LEMD2: variants seen among roughly 807,000 people sequenced by gnomAD.
LEMD2 encodes LEM domain-containing protein 2.
A neutral mutation model predicts 58.8 loss-of-function variants in LEMD2; 34 were observed. That is an observed-to-expected ratio of 0.58 (90% CI 0.44 to 0.77). LEMD2 has a LOEUF of 0.77. LEMD2 is among the 30% of genes least tolerant of loss of function. LEMD2 has a pLI of 0.00. For synonymous variants in LEMD2, 298 were observed against 308.9 expected (o/e 0.96, Z 0.37); for missense variants, 629 against 717.9 (o/e 0.88, Z 1.42).
chr6:33,784,574 G>A (rs917889704), intron 2 of LEMD2, 147 bp from the exon 3 acceptor site: 14 of 622,884 alleles, frequency 2.2e-5, no homozygotes, highest in Non-Finnish European at 3.7e-5. Flanking sequence ...ATTCTGCCAA[G>A]TGCTGGGCCT....
At chr6:33,772,882 TTATG>T in intron 8 of LEMD2, 104 bp from the exon 9 acceptor site, 2 of 1,092,962 alleles carry the variant, frequency 1.8e-6, no homozygotes, top group Non-Finnish European at 2.6e-6. Flanking sequence ...GGCATGGAAT[TTATG>T]TAAGAGAGGA....
chr6:33,773,697 C>T lies in LEMD2; in HGVS notation c.1362-919G>A, dbSNP rs547185747. On this transcript the variant is annotated intron_variant, in intron 8 of 8. Coordinates refer to ENST00000293760, the MANE Select transcript of LEMD2 (RefSeq NM_181336.4). ...CTTGGCTGGTCTGGCCGAGGCCACA[C>T]ATTCCCTGGGGACTGAGCTCCAAGG... Among the ~76,000 whole-genome samples, 51 of 152,308 alleles carry T rather than the reference C, an allele frequency of 3.3e-4. 1 individual carries two copies. The highest frequency in any genetic ancestry group is 1.2e-3 in the African/African-American group (48 of 41,558).
In LEMD2 at chr6:33,772,602, A is replaced by C. The variant is rs781084755; in HGVS notation, c.*26T>G. ...GAGTGGGCTGTCCTGGGACAGGCTG[A>C]CCGGGAACAAGTCCCCGCCCGGGGC... On this transcript the variant is annotated 3_prime_UTR_variant, in exon 9 of 9. Transcript: ENST00000293760. The C allele has an allele frequency of 3.1e-6, 5 of 1,604,874 alleles. No homozygotes were observed. In the African/African-American group the frequency reaches 5.3e-5, roughly 17 times the overall value.
At chr6:33,773,605 C>A (rs1582250033) in intron 8 of LEMD2, among the ~76,000 whole-genome samples, 1 of 124,598 alleles carries the variant, frequency 8.0e-6, no homozygotes. Flanking sequence ...GGGGGGGGGG[C>A]TAGGGCTTCC....
At chr6:33,775,095 G>T (rs1485621752) in intron 8 of LEMD2, among the ~76,000 whole-genome samples, 1 of 152,184 alleles carries the variant, frequency 6.6e-6, no homozygotes, top group East Asian at 1.9e-4. Context: ...TCATTGTCAC[G>T]ATACTCCTGC....
chr6:33,778,608 A>AC lies in LEMD2; in HGVS notation c.1011-222dup. ...AAGACGGCAGCAGGCTTGAACCCCT[A>AC]CCGCTAAAGCAACGTCCCCCTGTCA... On this transcript the variant is annotated intron_variant, in intron 5 of 8. Transcript: ENST00000293760. This position sits in a 1 kb window ranked among gnomAD's most constrained non-coding sequence, Gnocchi z 4.7. 2 of 383,548 alleles carry AC rather than the reference A, an allele frequency of 5.2e-6. No homozygotes were observed. The highest frequency in any genetic ancestry group is 4.4e-5 in the Admixed American group (1 of 22,514). The allele number at this position is 383,548 out of a possible 1,614,324, so 23.8% of individuals were successfully genotyped here.
rs1264972360 is a variant in LEMD2, at chr6:33,771,747, G to C, written c.*881C>G. The C allele has an allele frequency of 6.6e-6, 1 of 152,250 alleles. No individual in the cohort carries two copies. The highest frequency in any genetic ancestry group is 1.5e-5 in the Non-Finnish European group (1 of 68,046). 9.4% of individuals were successfully genotyped at this position (152,250 alleles called of 1,614,324 possible). ...CGCGGCCGGGGTAACAGAAACGCCG[G>C]CTGCGCTGAAGTTCTTGTTAAACAG... is the stretch of plus-strand genomic sequence containing the variant. On this transcript the variant is annotated 3_prime_UTR_variant, in exon 9 of 9. Coordinates refer to ENST00000293760, the MANE Select transcript of LEMD2 (RefSeq NM_181336.4).
intron 3 of LEMD2, among the ~76,000 whole-genome samples, chr6:33,783,588 T>C (rs1767611073): frequency 6.6e-6 from 1 of 152,250 alleles, no homozygotes; most frequent in African/African-American, 2.4e-5. Context: ...CAACTGCAAG[T>C]GATTTTGAGA....
chr6:33,779,024 G>A (rs1005128802), intron 5 of LEMD2: 8 of 152,150 alleles, frequency 5.3e-5, no homozygotes, highest in Admixed American at 3.9e-4. Flanking sequence ...TCATGCTCTT[G>A]AGGCTGCATG....
intron 3 of LEMD2, chr6:33,781,505 A>G (rs1263060192): frequency 1.4e-5 from 3 of 219,134 alleles, no homozygotes; most frequent in East Asian, 1.2e-4. Flanking sequence ...GAGAAAAAAG[A>G]AAGGCAGGGA....
Position 33,788,551 on chromosome 6 carries a change from C to A in LEMD2, c.566G>T (p.Arg189Leu). Residue 189 changes from arginine (R) to leucine (L), a missense_variant, in exon 1 of 9, where the codon CGA (arginine) becomes CTA (leucine). Physicochemically the swap from Arg to Leu is moderately radical, Grantham distance 102. This residue lies in a region of LEMD2 where 386 missense variants were observed against 381.1 expected (regional missense o/e 1.01). Coordinates refer to ENST00000293760, the MANE Select transcript of LEMD2 (RefSeq NM_181336.4). The stretch of plus-strand genomic sequence containing the variant: ...CCTCGCCGCGCCAGCAGGGCCCGCT[C>A]GAGTCGCCCGCAGGCCCGGGCGCGG... ...PDPRPGLRATRAGPAGAARAR... is the reference protein window; with the variant it reads ...PDPRPGLRATLAGPAGAARAR... The A allele has an allele frequency of 6.9e-7, 1 of 1,441,378 alleles. No individual in the cohort carries two copies. The highest frequency in any genetic ancestry group is 1.4e-5 in the South Asian group (1 of 71,564). The allele number at this position is 1,441,378 out of a possible 1,614,324, so 89.3% of individuals were successfully genotyped here.
At chr6:33,783,782 G>C (rs1009847152) in intron 3 of LEMD2, among the ~76,000 whole-genome samples, 1 of 152,186 alleles carries the variant, frequency 6.6e-6, no homozygotes, top group African/African-American at 2.4e-5. Flanking sequence ...CATTTGTAGA[G>C]AACAGACAGA....
At chr6:33,781,623 G>A (rs1472171525) in intron 3 of LEMD2, 1 of 163,854 alleles carries the variant, frequency 6.1e-6, no homozygotes, top group Admixed American at 6.1e-5. Flanking sequence ...TCTGTGTGCT[G>A]GGCAGTGGGG....
At position 33,781,094 on chromosome 6, in the gene LEMD2, C is replaced by T. The variant is rs768965953; in HGVS notation, c.913G>A (p.Ala305Thr). The change falls in exon 4 of 9, where the codon GCC (alanine) becomes ACC (threonine). Residue 305 changes from alanine (A) to threonine (T), a missense_variant. By Grantham distance (58) the Ala-to-Thr change is moderately conservative. Transcript: ENST00000293760. ...LKSKCIPVME[A>T]QEYIANVTSS... ...CTACTTACGGCTATATATTCTTGGGCTTCCATAACAGGAATGCATTTGCTT... is the reference window on the plus strand; with the variant it reads ...CTACTTACGGCTATATATTCTTGGGTTTCCATAACAGGAATGCATTTGCTT... 8 of 1,612,644 alleles carry T rather than the reference C, an allele frequency of 5.0e-6. No individual in the cohort carries two copies. The highest frequency in any genetic ancestry group is 5.9e-6 in the Non-Finnish European group (7 of 1,178,756).
intron 2 of LEMD2, 31 bp downstream of exon 2, chr6:33,786,703 A>G (rs1317480268): frequency 6.4e-7 from 1 of 1,568,432 alleles, no homozygotes. Flanking sequence ...CCTCAGGAAG[A>G]ATAATAAAAA....
intron 4 of LEMD2, among the ~76,000 whole-genome samples, chr6:33,780,492 C>T (rs766240357): frequency 1.8e-4 from 28 of 152,182 alleles, no homozygotes; most frequent in Admixed American, 5.2e-4. Context: ...TAGGGTAAAG[C>T]GAATAACAGC....
chr6:33,773,594 C>CAG (rs1554148352), intron 8 of LEMD2, among the ~76,000 whole-genome samples: 1 of 139,418 alleles, frequency 7.2e-6, no homozygotes, highest in Admixed American at 7.1e-5. Flanking sequence ...AGTCAGGAGG[C>CAG]GGGGGGGGGG....
chr6:33,780,226 A>C, intron 4 of LEMD2, 47 bp from the exon 5 acceptor site: 1 of 1,475,108 alleles, frequency 6.8e-7, no homozygotes, highest in South Asian at 1.2e-5. Flanking sequence ...TGGGCGGAGC[A>C]GCTGGAACAT....
At position 33,784,804 on chromosome 6, in the gene LEMD2, G is replaced by A. The variant is rs77043972; in HGVS notation, c.778-377C>T. On this transcript the variant is annotated intron_variant, in intron 2 of 8. Transcript: ENST00000293760. The stretch of plus-strand genomic sequence containing the variant: ...CTTCCTCAGAGGAAGAGCAACTGCT[G>A]TCGGAGTTTGCAGAGATGGGAGAGC... The A allele has an allele frequency of 3.2e-3, 611 of 192,680 alleles. 1 individual carries two copies. Among genetic ancestry groups the A allele is most frequent in the African/African-American group, 0.012 (523 of 43,614 alleles). 11.9% of individuals were successfully genotyped at this position (192,680 alleles called of 1,614,324 possible). A position where few individuals can be genotyped will look rare whatever the true frequency, so the allele number is the denominator to read the frequency against.
Sources: gnomAD v4.1 joint callset for allele counts (sites outside exome capture counted in the v4.1 genomes callset) on GRCh38, gnomAD v4.1.1 for gene constraint, gnomAD v4.1.1 regional missense constraint, Gnocchi (gnomAD v3.1) non-coding constraint, MANE v1.5 for transcripts, NCBI Gene and HGNC (gene_info 2026-07-23, HGNC 2026-07-21) for gene names.